CACHD1: variants seen among roughly 807,000 people sequenced by gnomAD.
The protein encoded by CACHD1 is cache domain containing 1, also known as VWFA and cache domain-containing protein 1.
A neutral mutation model predicts 138.7 loss-of-function variants in CACHD1; 71 were observed. The observed-to-expected ratio is 0.51, with a 90% CI of 0.42 to 0.62. The LOEUF is 0.62. Ranked by LOEUF, CACHD1 falls within the 20% of genes least tolerant of loss-of-function variation. The pLI is 0.00. For synonymous variants in CACHD1, 578 were observed against 591.5 expected, an observed-to-expected ratio of 0.98 and a Z score of 0.33; for missense variants, 1,389 against 1,625.3, an observed-to-expected ratio of 0.85 and a Z score of 2.50.
At position 64,604,694 on chromosome 1, in the gene CACHD1, C is replaced by T. The variant is rs1315501863; in HGVS notation, c.517+1782C>T. Among the ~76,000 whole-genome samples, 8 of 152,176 alleles carry T rather than the reference C, an allele frequency of 5.3e-5. No homozygotes were observed. The East Asian group carries it at 1.5e-3, about 29-fold the overall frequency. The stretch of plus-strand genomic sequence containing the variant: ...TTGAGATAGAGTCTTGCTATGTTGC[C>T]CAGGCTGGAGTGCAGTGGCGTGATC... On this transcript the variant is annotated intron_variant, in intron 4 of 26. Coordinates refer to ENST00000651257, the MANE Select transcript of CACHD1 (RefSeq NM_020925.4).
intron 7 of CACHD1, among the ~76,000 whole-genome samples, chr1:64,636,009 G>A (rs528788711): frequency 1.3e-5 from 2 of 151,904 alleles, no homozygotes; most frequent in South Asian, 4.2e-4. Context: ...TACTCAGGAG[G>A]CTGAGGCAGG....
intron 1 of CACHD1, among the ~76,000 whole-genome samples, chr1:64,509,444 T>A (rs1228021774): frequency 6.6e-6 from 1 of 152,216 alleles, no homozygotes; most frequent in East Asian, 1.9e-4. Context: ...AGCCACTTGT[T>A]ATTAAAAAGG....
chr1:64,632,754 C>G lies in CACHD1; in HGVS notation c.789+11C>G. ...GATGAACATGACAAGGTGACCATGA[C>G]CCTTGTGACCCCTATGGCATCAGGT... On this transcript the variant is annotated intron_variant, in intron 6 of 26. Coordinates refer to ENST00000651257, the MANE Select transcript of CACHD1 (RefSeq NM_020925.4). 1.2e-6 allele frequency: 2 copies of G among 1,613,940 alleles called. No individual in the cohort carries two copies. The highest frequency in any genetic ancestry group is 1.7e-6 in the Non-Finnish European group (2 of 1,179,906).
chr1:64,557,749 C>T (rs1364965818), intron 2 of CACHD1, among the ~76,000 whole-genome samples: 1 of 151,852 alleles, frequency 6.6e-6, no homozygotes, highest in East Asian at 1.9e-4. Context: ...TCATTAGATC[C>T]AGTTCTGCCA....
intron 13 of CACHD1, among the ~76,000 whole-genome samples, 200 bp downstream of exon 13, chr1:64,659,073 G>C (rs564798357): frequency 2.3e-4 from 35 of 152,094 alleles, no homozygotes; most frequent in Non-Finnish European, 4.6e-4. Flanking sequence ...AAGGTTTCGT[G>C]TGCTCGCGAT....
At position 64,676,773 on chromosome 1, in the gene CACHD1, C is replaced by T. The variant is rs1050077634; in HGVS notation, c.2976-122C>T. 7 of 699,530 alleles carry T rather than the reference C, an allele frequency of 1.0e-5. No individual in the cohort carries two copies. In the African/African-American group the frequency reaches 1.2e-4, roughly 12 times the overall value. 43.3% of individuals were successfully genotyped at this position (699,530 alleles called of 1,614,324 possible). A position where few individuals can be genotyped will look rare whatever the true frequency, so the allele number is the denominator to read the frequency against. ...TTGTTAAGTGATTGATACAAGGTTACACACTAAGTGGCAAAGCCAGGATTC... is the reference window on the plus strand; with the variant it reads ...TTGTTAAGTGATTGATACAAGGTTATACACTAAGTGGCAAAGCCAGGATTC... On this transcript the variant is annotated intron_variant, in intron 21 of 26. Coordinates refer to ENST00000651257, the MANE Select transcript of CACHD1 (RefSeq NM_020925.4).
intron 24 of CACHD1, among the ~76,000 whole-genome samples, chr1:64,681,015 T>G (rs1650155359): frequency 6.6e-6 from 1 of 152,242 alleles, no homozygotes; most frequent in South Asian, 2.1e-4. Context: ...AATCAACTTC[T>G]TTTCTCCTCC....
intron 2 of CACHD1, among the ~76,000 whole-genome samples, chr1:64,553,195 A>G (rs939164295): frequency 3.9e-5 from 6 of 152,234 alleles, no homozygotes; most frequent in African/African-American, 7.2e-5. Flanking sequence ...ATAAAAGCTC[A>G]TATTTACGCA....
chr1:64,561,666 A>G (rs1301685823), intron 2 of CACHD1, among the ~76,000 whole-genome samples: 1 of 150,302 alleles, frequency 6.7e-6, no homozygotes, highest in Non-Finnish European at 1.5e-5. Context: ...CAGCCCAGGC[A>G]ACATAGGGAG....
At chr1:64,560,962 A>G (rs1333165527) in intron 2 of CACHD1, among the ~76,000 whole-genome samples, 2 of 151,972 alleles carry the variant, frequency 1.3e-5, no homozygotes, top group Admixed American at 1.3e-4. Flanking sequence ...CTTAAAGTCT[A>G]TTTTACTCAA....
chr1:64,535,781 A>G (rs1412582425), intron 1 of CACHD1, among the ~76,000 whole-genome samples: 1 of 152,154 alleles, frequency 6.6e-6, no homozygotes, highest in Admixed American at 6.5e-5. Context: ...CACCTCCATG[A>G]GTCTTACACA....
At chr1:64,562,314 A>G (rs1646846441) in intron 2 of CACHD1, among the ~76,000 whole-genome samples, 1 of 150,814 alleles carries the variant, frequency 6.6e-6, no homozygotes, top group Non-Finnish European at 1.5e-5. Flanking sequence ...ATATTTTACT[A>G]CAAATCCCTG....
At chr1:64,612,414 G>T (rs1301484275) in intron 4 of CACHD1, among the ~76,000 whole-genome samples, 1 of 152,062 alleles carries the variant, frequency 6.6e-6, no homozygotes, top group East Asian at 1.9e-4. Flanking sequence ...CTGTATAGGT[G>T]CTTATATAAT....
chr1:64,501,398 A>C (rs1307692979), intron 1 of CACHD1, among the ~76,000 whole-genome samples: 1 of 152,174 alleles, frequency 6.6e-6, no homozygotes, highest in East Asian at 1.9e-4. Flanking sequence ...GATAAAACCA[A>C]CTTCACTCAT....
In CACHD1 at chr1:64,470,481, G is replaced by C. The variant is rs1646135996; in HGVS notation, c.-264G>C. On this transcript the variant is annotated 5_prime_UTR_variant, in exon 1 of 27. Coordinates refer to ENST00000651257, the MANE Select transcript of CACHD1 (RefSeq NM_020925.4). This position sits in a 1 kb window ranked among gnomAD's most constrained non-coding sequence, Gnocchi z 5.2. ...AGACGCCCTCTGCGCCGCGGGGCCC[G>C]TGTGGGCGCCGGGCTCCGGGGACCG... 6.6e-6 allele frequency among the ~76,000 whole-genome samples: 1 copy of C among 151,304 alleles called. No individual in the cohort carries two copies.
At chr1:64,672,353 GT>G (rs1047712510) in intron 17 of CACHD1, among the ~76,000 whole-genome samples, 13 of 152,088 alleles carry the variant, frequency 8.5e-5, no homozygotes, top group African/African-American at 2.7e-4. Context: ...TTCATTTATT[GT>G]TTCTATCAAA....
chr1:64,591,618 C>T (rs1272444169), intron 3 of CACHD1, among the ~76,000 whole-genome samples: 3 of 152,160 alleles, frequency 2.0e-5, no homozygotes, highest in Non-Finnish European at 4.4e-5. Context: ...TTTATGAGTT[C>T]TTGAGAAAGG....
intron 13 of CACHD1, among the ~76,000 whole-genome samples, chr1:64,662,666 G>A (rs1016148547): frequency 1.3e-5 from 2 of 152,166 alleles, no homozygotes; most frequent in African/African-American, 2.4e-5. Context: ...ATACTATAAG[G>A]TTGAATGGTA....
intron 1 of CACHD1, among the ~76,000 whole-genome samples, chr1:64,531,747 A>G (rs1381002163): frequency 1.3e-5 from 2 of 152,306 alleles, no homozygotes; most frequent in East Asian, 1.9e-4. Context: ...AGCGTTTGCT[A>G]TACCAGCACA....
Sources: gnomAD v4.1 joint callset for allele counts (sites outside exome capture counted in the v4.1 genomes callset) on GRCh38, gnomAD v4.1.1 for gene constraint, Gnocchi (gnomAD v3.1) non-coding constraint, MANE v1.5 for transcripts, NCBI Gene and HGNC (gene_info 2026-07-23, HGNC 2026-07-21) for gene names.